The following HNF4A variants were observed in gnomAD, a reference collection of about 807,000 sequenced individuals.
HNF4A encodes hepatocyte nuclear factor 4 alpha.
In HNF4A, 15 loss-of-function variants were observed where a neutral mutation model predicts 52.4. That is an observed-to-expected ratio of 0.29 (90% CI 0.19 to 0.44). The LOEUF (loss-of-function observed/expected upper bound fraction) is 0.44. Among genes scored for constraint, HNF4A ranks in the 20% least tolerant of loss-of-function variants. The pLI is 1.00. For missense variants in HNF4A, 479 were observed against 647.2 expected (o/e 0.74, Z 2.82); for synonymous variants, 280 against 264.4 (o/e 1.06, Z -0.57).
chr20:44,410,540 G>A (rs1176487855), intron 3 of HNF4A, among the ~76,000 whole-genome samples: 1 of 152,124 alleles, frequency 6.6e-6, no homozygotes, highest in Non-Finnish European at 1.5e-5. Context: ...GAAAGTCTCG[G>A]TGGAAGTCTC....
chr20:44,379,740 T>C (rs1487396289), intron 1 of HNF4A, among the ~76,000 whole-genome samples: 2 of 148,134 alleles, frequency 1.4e-5, no homozygotes, highest in African/African-American at 5.0e-5. Flanking sequence ...CTTTTTTTTT[T>C]TTTTTTTTTT....
intron 1 of HNF4A, among the ~76,000 whole-genome samples, chr20:44,372,079 T>G (rs930845081): frequency 1.3e-5 from 2 of 152,200 alleles, no homozygotes; most frequent in African/African-American, 4.8e-5. Flanking sequence ...TTCCATTTAT[T>G]TCAGTTACTT....
In HNF4A at chr20:44,406,185, G is replaced by A; in HGVS notation, c.243G>A (p.Lys81=). ...GTGCCTCGAGCTGTGACGGCTGCAA[G>A]GGCTTCTTCCGGAGGAGCGTGCGGA... Residue 81 remains lysine, a synonymous_variant, in exon 2 of 10, where the codon AAG becomes AAA. Coordinates refer to ENST00000316099, the MANE Select transcript of HNF4A (RefSeq NM_000457.6). The A allele has an allele frequency of 6.2e-7, 1 of 1,613,992 alleles. No individual in the cohort carries two copies. The highest frequency in any genetic ancestry group is 8.5e-7 in the Non-Finnish European group (1 of 1,180,034).
chr20:44,408,803 T>C (rs1013319082), intron 3 of HNF4A, among the ~76,000 whole-genome samples: 2 of 152,182 alleles, frequency 1.3e-5, no homozygotes, highest in Non-Finnish European at 2.9e-5. Flanking sequence ...TTCCCAGCTC[T>C]GCGACTAGTC....
chr20:44,416,586 G>A (rs1188478574), intron 5 of HNF4A, among the ~76,000 whole-genome samples: 1 of 152,216 alleles, frequency 6.6e-6, no homozygotes, highest in Non-Finnish European at 1.5e-5. Context: ...TTCCCTCCCA[G>A]GCAGTTTCCT....
chr20:44,364,475 TTA>T (rs1282771193), intron 1 of HNF4A, among the ~76,000 whole-genome samples: 1 of 152,034 alleles, frequency 6.6e-6, no homozygotes, highest in Non-Finnish European at 1.5e-5. Flanking sequence ...AATTTTTTTT[TTA>T]TTTTTTTTTT....
At chr20:44,394,416 TA>T (rs2063333885) in intron 1 of HNF4A, among the ~76,000 whole-genome samples, 1 of 152,084 alleles carries the variant, frequency 6.6e-6, no homozygotes, top group Non-Finnish European at 1.5e-5. Flanking sequence ...AGACTACATG[TA>T]AAAGGGAGTC....
chr20:44,408,050 A>G (rs980253035), intron 3 of HNF4A: 10 of 171,740 alleles, frequency 5.8e-5, no homozygotes, highest in Admixed American at 1.6e-4. Context: ...AGAGCACAAC[A>G]TTTATTAAGG....
chr20:44,397,576 T>A (rs1286487477), upstream of HNF4A, among the ~76,000 whole-genome samples: 2 of 152,080 alleles, frequency 1.3e-5, no homozygotes, highest in East Asian at 3.8e-4. Context: ...TCCTTCTATC[T>A]CACTTATTTT....
In HNF4A at chr20:44,424,717, T is replaced by C. The variant is rs907660604; in HGVS notation, c.1129+463T>C. The C allele has an allele frequency of 5.9e-6, 4 of 674,324 alleles. No individual in the cohort carries two copies. In the East Asian group the frequency reaches 1.7e-4, roughly 28 times the overall value. 41.8% of individuals were successfully genotyped at this position (674,324 alleles called of 1,614,324 possible). A position where few individuals can be genotyped will look rare whatever the true frequency, so the allele number is the denominator to read the frequency against. ...CTCTCTGAAGTGGTGACTCTTGTGC[T>C]AAGACCCTAACGGCTGAAAGGAAAT... On this transcript the variant is annotated intron_variant, in intron 8 of 9. Transcript: ENST00000316099.
At chr20:44,419,643 C>A in intron 6 of HNF4A, 78 bp from the exon 7 acceptor site, 1 of 1,437,368 alleles carries the variant, frequency 7.0e-7, no homozygotes, top group Non-Finnish European at 9.7e-7. Context: ...GCTATCTTGC[C>A]AACTTAAAAG....
intron 8 of HNF4A, among the ~76,000 whole-genome samples, chr20:44,426,912 G>A (rs2063820933): frequency 6.6e-6 from 1 of 152,214 alleles, no homozygotes; most frequent in African/African-American, 2.4e-5. Context: ...TAGATTACGG[G>A]AGCTGGAAGG....
intron 1 of HNF4A, among the ~76,000 whole-genome samples, chr20:44,374,141 C>G (rs1236003876): frequency 6.6e-6 from 1 of 152,208 alleles, no homozygotes; most frequent in African/African-American, 2.4e-5. Context: ...CCTTGCCCTT[C>G]CTCTAGAAGT....
chr20:44,375,140 G>A (rs1429867794), intron 1 of HNF4A, among the ~76,000 whole-genome samples: 1 of 151,362 alleles, frequency 6.6e-6, no homozygotes, highest in Admixed American at 6.6e-5. Context: ...GATTAGTGAT[G>A]TTGAACATTT....
chr20:44,364,103 G>T (rs2062945926), intron 1 of HNF4A, among the ~76,000 whole-genome samples: 1 of 152,180 alleles, frequency 6.6e-6, no homozygotes, highest in African/African-American at 2.4e-5. Flanking sequence ...TCCCTTTGAG[G>T]GTAATGTGGG....
intron 1 of HNF4A, chr20:44,389,576 A>G (rs2063276866): frequency 6.6e-6 from 1 of 152,214 alleles, no homozygotes; most frequent in Non-Finnish European, 1.5e-5. Flanking sequence ...TCCACCACCC[A>G]CAACGATGCA....
At chr20:44,373,372 C>T (rs997600617) in intron 1 of HNF4A, among the ~76,000 whole-genome samples, 1 of 152,104 alleles carries the variant, frequency 6.6e-6, no homozygotes, top group South Asian at 2.1e-4. Flanking sequence ...TGGGGTCTTA[C>T]TGTGTTGCCC....
upstream of HNF4A, chr20:44,401,187 C>T: frequency 1.4e-6 from 2 of 1,476,982 alleles, no homozygotes; most frequent in Non-Finnish European, 1.8e-6. Flanking sequence ...ACCCCCACCC[C>T]TCCCCGGCAG....
chr20:44,365,445 C>A (rs1297154985), intron 1 of HNF4A, among the ~76,000 whole-genome samples: 1 of 152,016 alleles, frequency 6.6e-6, no homozygotes, highest in Non-Finnish European at 1.5e-5. Context: ...GCCGGGATTA[C>A]AGGTGTGAGC....
Sources: gnomAD v4.1 joint callset for allele counts (sites outside exome capture counted in the v4.1 genomes callset) on GRCh38, gnomAD v4.1.1 for gene constraint, MANE v1.5 for transcripts, NCBI Gene and HGNC (gene_info 2026-07-23, HGNC 2026-07-21) for gene names.